The following ALDH1A1 variants were observed in gnomAD, a reference collection of about 807,000 sequenced individuals.
ALDH1A1 encodes the protein aldehyde dehydrogenase 1 family member A1.
Under a neutral mutation model 62.1 loss-of-function variants are expected in ALDH1A1, and 19 were observed. That is an observed-to-expected ratio of 0.31 (90% confidence interval 0.21 to 0.45). The LOEUF (loss-of-function observed/expected upper bound fraction) is 0.45, where lower values mean the gene tolerates loss of function less well. Among genes scored for constraint, ALDH1A1 ranks in the 20% least tolerant of loss-of-function variants. The probability of loss-of-function intolerance (pLI) is 1.00; values close to 1 mark genes in which losing one functional copy is unlikely to be tolerated. For synonymous variants in ALDH1A1, 231 were observed against 215.9 expected, an observed-to-expected ratio of 1.07 and a Z score of -0.61; for missense variants, 521 against 607.1, an observed-to-expected ratio of 0.86 and a Z score of 1.49.
chr9:72,944,914 T>C (rs1403555229), intron 1 of ALDH1A1, among the ~76,000 whole-genome samples: 2 of 152,104 alleles, frequency 1.3e-5, no homozygotes, highest in Admixed American at 6.6e-5. Flanking sequence ...AAGTACTTTC[T>C]ATATGGGGAA....
intron 2 of ALDH1A1, among the ~76,000 whole-genome samples, chr9:72,936,175 G>A (rs1055841405): frequency 4.6e-5 from 7 of 152,136 alleles, no homozygotes; most frequent in Non-Finnish European, 8.8e-5. Context: ...GAAGCACAGA[G>A]CAAATCAGTG....
chr9:72,922,701 T>A (rs1476692738), intron 7 of ALDH1A1, among the ~76,000 whole-genome samples: 1 of 152,226 alleles, frequency 6.6e-6, no homozygotes, highest in Non-Finnish European at 1.5e-5. Flanking sequence ...GGGGAGGGTC[T>A]AGAATTCTAG....
At chr9:72,945,223 TATTTG>T (rs1196469708) in intron 1 of ALDH1A1, among the ~76,000 whole-genome samples, 1 of 152,078 alleles carries the variant, frequency 6.6e-6, no homozygotes, top group African/African-American at 2.4e-5. Flanking sequence ...AATAAAGCCC[TATTTG>T]CCTTATCTGC....
chr9:72,939,970 C>T (rs1366017007), intron 2 of ALDH1A1, among the ~76,000 whole-genome samples, 178 bp downstream of exon 2: 1 of 119,148 alleles, frequency 8.4e-6, no homozygotes, highest in Non-Finnish European at 1.7e-5. Context: ...TATTACATAA[C>T]TACAGAGCAT....
In ALDH1A1 at chr9:72,925,616, G is replaced by A; in HGVS notation, c.505-4C>T. On this transcript the variant is annotated splice_polypyrimidine_tract_variant and splice_region_variant and intron_variant, in intron 5 of 12. Coordinates refer to ENST00000297785, the MANE Select transcript of ALDH1A1 (RefSeq NM_000689.5). ...GCATAACCAACGGGAAATTCCACTAGAAAGCAATATGTAACAATAGATTCT... is the reference window on the plus strand; with the variant it reads ...GCATAACCAACGGGAAATTCCACTAAAAAGCAATATGTAACAATAGATTCT... 1 of 1,611,320 alleles carries A rather than the reference G, an allele frequency of 6.2e-7. No homozygotes were observed.
At chr9:72,918,618 T>G in intron 8 of ALDH1A1, 102 bp downstream of exon 8, 1 of 131,568 alleles carries the variant, frequency 7.6e-6, no homozygotes, top group Non-Finnish European at 1.3e-5. Context: ...AAATGCTTTT[T>G]TTTTTTTTTT....
chr9:72,941,279 A>G (rs949524466), intron 1 of ALDH1A1, among the ~76,000 whole-genome samples: 2 of 152,174 alleles, frequency 1.3e-5, no homozygotes, highest in South Asian at 4.1e-4. Flanking sequence ...GGGAGAATGT[A>G]ATGAAACACT....
chr9:72,912,505 A>G (rs542707268), intron 9 of ALDH1A1, among the ~76,000 whole-genome samples: 19 of 152,312 alleles, frequency 1.2e-4, no homozygotes, highest in Admixed American at 3.3e-4. Context: ...GAAAAGAGAA[A>G]AACAGAACTT....
chr9:72,930,727 A>T, intron 3 of ALDH1A1, 152 bp downstream of exon 3: 1 of 746,720 alleles, frequency 1.3e-6, no homozygotes, highest in Non-Finnish European at 2.1e-6. Context: ...AGAATAGTTC[A>T]ATGTTAAGGG....
chr9:72,923,956 A>G (rs1258482861), intron 7 of ALDH1A1, 63 bp downstream of exon 7: 2 of 1,154,072 alleles, frequency 1.7e-6, no homozygotes, highest in East Asian at 2.5e-5. Context: ...TAGTTACATA[A>G]AACATACTTC....
At chr9:72,922,417 C>T (rs985814536) in intron 7 of ALDH1A1, among the ~76,000 whole-genome samples, 34 of 152,104 alleles carry the variant, frequency 2.2e-4, no homozygotes, top group African/African-American at 7.7e-4. Context: ...CATGGATGAG[C>T]GAAGACAAAC....
Position 72,940,241 on chromosome 9 carries a change from G to T in ALDH1A1, c.78C>A (p.Asn26Lys). The change falls in exon 2 of 13, where the codon AAC becomes AAA. Residue 26 changes from asparagine (N) to lysine (K), a missense_variant. Physicochemically the swap from Asn to Lys is moderately conservative, Grantham distance 94. Transcript: ENST00000297785. Reference protein sequence around the residue: ...LKIQYTKIFINNEWHDSVSGK... With the variant: ...LKIQYTKIFIKNEWHDSVSGK... ...CACTCACTGAATCATGCCATTCATT[G>T]TTTATGAAGATCTGTAGAGATGAAG... 1 of 1,612,626 alleles carries T rather than the reference G, an allele frequency of 6.2e-7. No homozygotes were observed. Among genetic ancestry groups the T allele is most frequent in the African/African-American group, 1.3e-5 (1 of 74,986 alleles).
At position 72,909,770 on chromosome 9, in the gene ALDH1A1, A is replaced by G; in HGVS notation, c.1201-11T>C. ...CACTGGTCCAAAAATCTATACCACA[A>G]GAAATAAATAAGTAAAAATAATAGG... On this transcript the variant is annotated splice_polypyrimidine_tract_variant and intron_variant, in intron 10 of 12. Transcript: ENST00000297785. 1 of 1,586,418 alleles carries G rather than the reference A, an allele frequency of 6.3e-7. No individual in the cohort carries two copies. Among genetic ancestry groups the G allele is most frequent in the East Asian group, 2.2e-5 (1 of 44,644 alleles).
intron 3 of ALDH1A1, among the ~76,000 whole-genome samples, chr9:72,930,266 AG>A (rs1203206959): frequency 6.6e-6 from 1 of 152,204 alleles, no homozygotes. Context: ...AAACAAAAAT[AG>A]TATTCATAAA....
Position 72,927,149 on chromosome 9 carries a change from A to T in ALDH1A1, c.471T>A (p.His157Gln). 6.2e-7 allele frequency: 1 copy of T among 1,608,496 alleles called. No homozygotes were observed. The highest frequency in any genetic ancestry group is 2.2e-5 in the East Asian group (1 of 44,794). ...IDGNFFTYTR[H>Q]EPIGVCGQII... ...TTTGGCCACATACACCAATAGGTTC[A>T]TGTCTTGTATATGTAAAAAAATTTC... The change falls in exon 5 of 13, where the codon CAT becomes CAA. Residue 157 changes from histidine (H) to glutamine (Q), a missense_variant. By Grantham distance (24) the His-to-Gln change is conservative. Transcript: ENST00000297785.
chr9:72,936,285 A>G (rs1386888983), intron 2 of ALDH1A1, among the ~76,000 whole-genome samples: 2 of 152,208 alleles, frequency 1.3e-5, no homozygotes, highest in Non-Finnish European at 2.9e-5. Context: ...AAGTCCTCAG[A>G]CTGCCTGACA....
At chr9:72,931,963 T>C (rs1004712884) in intron 2 of ALDH1A1, among the ~76,000 whole-genome samples, 8 of 152,238 alleles carry the variant, frequency 5.3e-5, no homozygotes, top group African/African-American at 1.9e-4. Context: ...GTTGTGTTTT[T>C]CTACACCAGA....
chr9:72,924,928 T>C (rs923634940), intron 6 of ALDH1A1, among the ~76,000 whole-genome samples: 16 of 152,224 alleles, frequency 1.1e-4, no homozygotes, highest in Non-Finnish European at 2.1e-4. Flanking sequence ...ATGAAAATGT[T>C]TTACATGTTC....
chr9:72,942,366 T>G, intron 1 of ALDH1A1: 1 of 985,390 alleles, frequency 1.0e-6, no homozygotes, highest in Non-Finnish European at 1.2e-6. Flanking sequence ...AGCTTGCTCA[T>G]GCACACTGTC....
Sources: allele counts gnomAD v4.1 joint callset (sites outside exome capture counted in the v4.1 genomes callset), GRCh38; gene constraint gnomAD v4.1.1; transcripts MANE v1.5; gene names NCBI Gene and HGNC (gene_info 2026-07-23, HGNC 2026-07-21).